The following DNAAF9 variants were observed in gnomAD, a reference collection of about 807,000 sequenced individuals.
DNAAF9 encodes dynein axonemal assembly factor 9.
A neutral mutation model predicts 167.0 loss-of-function variants in DNAAF9; 90 were observed. The ratio of observed to expected loss-of-function variants is 0.54; its 90% CI spans 0.45 to 0.64. The LOEUF is 0.64. Among genes scored for constraint, DNAAF9 ranks in the 30% least tolerant of loss-of-function variants. The pLI is 0.00. For missense variants in DNAAF9, 1,315 were observed against 1,442.2 expected, an observed-to-expected ratio of 0.91 and a Z score of 1.43; for synonymous variants, 491 against 508.8, an observed-to-expected ratio of 0.96 and a Z score of 0.47.
rs148023287 is a variant in DNAAF9, at chr20:3,349,192, C to CAAAAAAAA, written c.691-577_691-570dup. On this transcript the variant is annotated intron_variant, in intron 7 of 36. Transcript: ENST00000252032. The stretch of plus-strand genomic sequence containing the variant: ...CAACATGATGAGACCTCGTCTCTAC[C>CAAAAAAAA]AAAAAAAAAAACAAAAAAAAAAAAA... Among the ~76,000 whole-genome samples, 355 of 39,024 alleles carry CAAAAAAAA rather than the reference C, an allele frequency of 9.1e-3. 43 individuals carry two copies. Among genetic ancestry groups the CAAAAAAAA allele is most frequent in the African/African-American group, 0.014 (116 of 8,030 alleles). The allele number at this position is 39,024 out of a possible 152,430, so 25.6% of individuals were successfully genotyped here.
rs1464968697 is a variant in DNAAF9 at position 3,281,742 on chromosome 20, G to C, written c.2511C>G (p.Val837=). 1.2e-6 allele frequency: 2 copies of C among 1,612,080 alleles called. No individual in the cohort carries two copies. Among genetic ancestry groups the C allele is most frequent in the Admixed American group, 3.4e-5 (2 of 59,654 alleles). ...AGTCTGGGTGGGTCTGCAGGGCCTG[G>C]ACAACATCAATAACATCTGTGTAGC... ...LQGYTDVIDV[V]QALQTHPDSN... is the part of the protein sequence containing the mutation. Residue 837 remains valine (V), a synonymous_variant, in exon 28 of 37, where the codon GTC becomes GTG. Transcript: ENST00000252032.
At chr20:3,314,017 T>C (rs1019843933) in intron 20 of DNAAF9, among the ~76,000 whole-genome samples, 2 of 152,160 alleles carry the variant, frequency 1.3e-5, no homozygotes, top group African/African-American at 2.4e-5. Context: ...TACCTTCTGT[T>C]TTTCCTCTTT....
In DNAAF9 at chr20:3,407,544, G is replaced by A. The variant is rs2084081680; in HGVS notation, c.14C>T (p.Pro5Leu). The A allele has an allele frequency of 9.6e-6, 12 of 1,256,126 alleles. No individual in the cohort carries two copies. Among genetic ancestry groups the A allele is most frequent in the Middle Eastern group, 3.0e-4 (1 of 3,286 alleles). 77.8% of individuals were successfully genotyped at this position (1,256,126 alleles called of 1,614,324 possible). Residue 5 changes from proline to leucine, a missense_variant, in exon 1 of 37, where the codon CCC (proline) becomes CTC (leucine). Pro to Leu is a moderately conservative substitution (Grantham distance 98). Transcript: ENST00000252032. MDVY[P>L]PRRQGLPRAR... ...GCGGGGCAGCCCCTGCCGGCGCGGG[G>A]GGTACACGTCCATGGCGGCGGACGA...
chr20:3,296,953 A>T lies in DNAAF9; in HGVS notation c.1930-4T>A. The T allele has an allele frequency of 6.4e-7, 1 of 1,568,456 alleles. No individual in the cohort carries two copies. The highest frequency in any genetic ancestry group is 8.8e-7 in the Non-Finnish European group (1 of 1,139,070). On this transcript the variant is annotated splice_region_variant and splice_polypyrimidine_tract_variant and intron_variant, in intron 22 of 36. Transcript: ENST00000252032. The stretch of plus-strand genomic sequence containing the variant: ...GCTGTTTCCAGAGGGAGAAGACCTA[A>T]ACAAAACAGAATTTGAGCAAAGAAC...
intron 31 of DNAAF9, among the ~76,000 whole-genome samples, 168 bp from the exon 32 acceptor site, chr20:3,260,196 G>T (rs932890163): frequency 9.9e-5 from 15 of 151,826 alleles, no homozygotes; most frequent in African/African-American, 3.4e-4. Context: ...AAAATTAGCC[G>T]GGCGCGGTGG....
intron 1 of DNAAF9, among the ~76,000 whole-genome samples, chr20:3,405,050 T>C (rs1208151350): frequency 6.6e-6 from 1 of 152,192 alleles, no homozygotes; most frequent in Admixed American, 6.5e-5. Context: ...ATTTGTACCA[T>C]GAAAGGCTAC....
chr20:3,298,602 G>A (rs910627422), intron 21 of DNAAF9, among the ~76,000 whole-genome samples: 2 of 151,916 alleles, frequency 1.3e-5, no homozygotes, highest in East Asian at 1.9e-4. Flanking sequence ...TTACAGGGGT[G>A]AGCCACCACC....
chr20:3,331,082 T>C (rs1357717224), intron 11 of DNAAF9, among the ~76,000 whole-genome samples: 1 of 152,098 alleles, frequency 6.6e-6, no homozygotes, highest in African/African-American at 2.4e-5. Flanking sequence ...TGAGCCACCA[T>C]GCCCAGCCTA....
At position 3,359,758 on chromosome 20, in the gene DNAAF9, GT is replaced by G. The variant is rs201680335; in HGVS notation, c.613-166del. Among the ~76,000 whole-genome samples the G allele has an allele frequency of 5.9e-5, 9 of 152,188 alleles. No individual in the cohort carries two copies. In the East Asian group the frequency reaches 1.7e-3, roughly 29 times the overall value. On this transcript the variant is annotated intron_variant, in intron 6 of 36. Transcript: ENST00000252032. ...ATTTGCCCTATACATATTAATAAAT[GT>G]TTTACCATACAAGGAAACTATTTTT...
At chr20:3,314,615 T>A (rs2069471671) in intron 20 of DNAAF9, among the ~76,000 whole-genome samples, 1 of 152,120 alleles carries the variant, frequency 6.6e-6, no homozygotes, top group Admixed American at 6.5e-5. Context: ...CCTCAAGAGA[T>A]CTGGGTCCAG....
intron 10 of DNAAF9, among the ~76,000 whole-genome samples, chr20:3,337,515 C>G (rs1262578909): frequency 6.6e-6 from 1 of 150,976 alleles, no homozygotes; most frequent in African/African-American, 2.4e-5. Context: ...ATCTCCTGAC[C>G]TCGTGAAGTA....
rs1568599543 is a variant in DNAAF9, at chr20:3,315,511, C to T, written c.1590+224G>A. 2.0e-5 allele frequency among the ~76,000 whole-genome samples: 3 copies of T among 152,174 alleles called. No homozygotes were observed. In the South Asian group the frequency reaches 6.2e-4, roughly 32 times the overall value. Reference sequence around the variant, plus strand: ...TATTATGGGGAGATTTTTAAAAGAACACCAGAAGGCCCTGATGGAATAAAG... The same window carrying T: ...TATTATGGGGAGATTTTTAAAAGAATACCAGAAGGCCCTGATGGAATAAAG... On this transcript the variant is annotated intron_variant, in intron 19 of 36. Coordinates refer to ENST00000252032, the MANE Select transcript of DNAAF9 (RefSeq NM_001009984.3). The surrounding 1 kb of genome is among the most constrained non-coding windows in gnomAD (Gnocchi z 4.1).
chr20:3,316,903 T>A, intron 17 of DNAAF9, 110 bp from the exon 18 acceptor site: 1 of 650,386 alleles, frequency 1.5e-6, no homozygotes. Flanking sequence ...TTTTTTTTTT[T>A]TTTTTTTTTG....
In DNAAF9 at chr20:3,315,202, G is replaced by T; in HGVS notation, c.1591-82C>A. On this transcript the variant is annotated intron_variant, in intron 19 of 36. Transcript: ENST00000252032. The surrounding 1 kb of genome is among the most constrained non-coding windows in gnomAD (Gnocchi z 4.1). ...AAATATTCACAGAATCAAAAGTCCT[G>T]CCCAATTATGTCCGTCTACAAAAGC... The T allele has an allele frequency of 2.3e-6, 2 of 866,022 alleles. No homozygotes were observed. Among genetic ancestry groups the T allele is most frequent in the Non-Finnish European group, 3.9e-6 (2 of 510,688 alleles). 53.6% of individuals were successfully genotyped at this position (866,022 alleles called of 1,614,324 possible). A position where few individuals can be genotyped will look rare whatever the true frequency, so the allele number is the denominator to read the frequency against.
chr20:3,364,328 C>T (rs1184657812), intron 6 of DNAAF9, among the ~76,000 whole-genome samples: 1 of 152,034 alleles, frequency 6.6e-6, no homozygotes, highest in East Asian at 1.9e-4. Flanking sequence ...TTGCTGGGTG[C>T]TAAATATTTT....
chr20:3,358,485 T>C (rs1379515169), intron 7 of DNAAF9, among the ~76,000 whole-genome samples: 1 of 152,122 alleles, frequency 6.6e-6, no homozygotes, highest in Non-Finnish European at 1.5e-5. Flanking sequence ...GGTTTCACCA[T>C]GTTGGCCAGG....
intron 32 of DNAAF9, 87 bp from the exon 33 acceptor site, chr20:3,259,641 G>T (rs1219117397): frequency 6.5e-6 from 6 of 927,554 alleles, no homozygotes; most frequent in Non-Finnish European, 1.1e-5. Flanking sequence ...TAGGGACTGG[G>T]GAGGGACCAT....
intron 7 of DNAAF9, among the ~76,000 whole-genome samples, chr20:3,353,893 G>A (rs2083250261): frequency 6.6e-6 from 1 of 152,098 alleles, no homozygotes; most frequent in African/African-American, 2.4e-5. Flanking sequence ...AACCACCCCT[G>A]AGGGAGGTGG....
In DNAAF9 at chr20:3,345,364, G is replaced by A. The variant is rs562092937; in HGVS notation, c.790-1633C>T. ...TTTATCGTGGGCTTACCATGTGACTGTGATAGGCACTTATCATCTCAAGCA... is the reference window on the plus strand; with the variant it reads ...TTTATCGTGGGCTTACCATGTGACTATGATAGGCACTTATCATCTCAAGCA... On this transcript the variant is annotated intron_variant, in intron 8 of 36. Coordinates refer to ENST00000252032, the MANE Select transcript of DNAAF9 (RefSeq NM_001009984.3). Among the ~76,000 whole-genome samples the A allele has an allele frequency of 4.5e-4, 68 of 152,312 alleles. No homozygotes were observed. The South Asian group carries it at 9.9e-3, about 22-fold the overall frequency.
Sources: allele counts gnomAD v4.1 joint callset (sites outside exome capture counted in the v4.1 genomes callset), GRCh38; gene constraint gnomAD v4.1.1; non-coding constraint Gnocchi (gnomAD v3.1); transcripts MANE v1.5; gene names NCBI Gene and HGNC (gene_info 2026-07-23, HGNC 2026-07-21).